ACOT11: variants seen among roughly 807,000 people sequenced by gnomAD.
The protein encoded by ACOT11 is acyl-coenzyme A thioesterase 11.
In ACOT11, 69 loss-of-function variants were observed where a neutral mutation model predicts 77.5. The ratio of observed to expected loss-of-function variants is 0.89; its 90% CI spans 0.73 to 1.09. ACOT11 has a LOEUF of 1.09. Among genes scored for constraint, ACOT11 ranks in the 50% least tolerant of loss-of-function variants. The probability of loss-of-function intolerance (pLI) is 0.00; values close to 1 mark genes in which losing one functional copy is unlikely to be tolerated. For missense variants in ACOT11, 766 were observed against 813.7 expected (o/e 0.94, Z 0.71); for synonymous variants, 279 against 313.0 (o/e 0.89, Z 1.15).
At chr1:54,562,629 A>G (rs1382490558) in intron 1 of ACOT11, among the ~76,000 whole-genome samples, 3 of 139,716 alleles carry the variant, frequency 2.1e-5, no homozygotes, top group African/African-American at 8.1e-5. Flanking sequence ...TGCCGGGCGG[A>G]GGGGCTCCTC....
chr1:54,619,749 G>T, intron 15 of ACOT11: 1 of 1,083,278 alleles, frequency 9.2e-7, no homozygotes, highest in Non-Finnish European at 1.3e-6. Context: ...CATGCTGAAA[G>T]ACATGTAAAC....
chr1:54,632,028 CTG>C (rs1408655090), intron 16 of ACOT11, among the ~76,000 whole-genome samples: 1 of 152,082 alleles, frequency 6.6e-6, no homozygotes, highest in Non-Finnish European at 1.5e-5. Flanking sequence ...CTTGTTTTAA[CTG>C]TGGGAAGCGT....
intron 3 of ACOT11, among the ~76,000 whole-genome samples, chr1:54,586,424 C>CTT (rs58908548): frequency 2.1e-5 from 3 of 143,326 alleles, no homozygotes; most frequent in Admixed American, 7.0e-5. Flanking sequence ...CTAAAGTAGA[C>CTT]TTTTTTTTTT....
intron 9 of ACOT11, 37 bp from the exon 10 acceptor site, chr1:54,602,632 G>C (rs1201187391): frequency 1.4e-5 from 21 of 1,487,504 alleles, no homozygotes; most frequent in East Asian, 2.6e-5. Context: ...GACGGAGGGT[G>C]GGGGTAGCTG....
intron 2 of ACOT11, among the ~76,000 whole-genome samples, chr1:54,585,314 C>T (rs1240553293): frequency 1.3e-5 from 2 of 152,166 alleles, no homozygotes; most frequent in Admixed American, 6.5e-5. Context: ...ACAGGTGACC[C>T]GACTGTTCCC....
Position 54,594,590 on chromosome 1 carries a change from AG to A in ACOT11, c.508del (p.Glu170ArgfsTer95). ...KLKQITPRTE[E>X]EKMEHSVAAE... Reference sequence around the variant, plus strand: ...AAGCAGATCACGCCGCGGACAGAAGAGGAGAAGATGGAGCACAGTGTGGCGG... The same window carrying A: ...AAGCAGATCACGCCGCGGACAGAAGAGAGAAGATGGAGCACAGTGTGGCGG... On this transcript the variant is annotated frameshift_variant, in exon 6 of 16. Transcript: ENST00000343744. LOFTEE classifies it high-confidence loss of function. 1 of 1,614,118 alleles carries A rather than the reference AG, an allele frequency of 6.2e-7. No homozygotes were observed. The highest frequency in any genetic ancestry group is 8.5e-7 in the Non-Finnish European group (1 of 1,179,990).
intron 3 of ACOT11, among the ~76,000 whole-genome samples, chr1:54,590,470 G>C (rs1440068527): frequency 6.6e-6 from 1 of 152,184 alleles, no homozygotes; most frequent in African/African-American, 2.4e-5. Context: ...TCAGGAAGGA[G>C]GAGGAGCTTA....
At chr1:54,593,795 C>A in intron 4 of ACOT11, 146 bp from the exon 5 acceptor site, 1 of 667,370 alleles carries the variant, frequency 1.5e-6, no homozygotes, top group East Asian at 2.7e-5. Flanking sequence ...CCCCTCAGAT[C>A]TCTGGCCTCC....
rs1316867488 is a variant in ACOT11, at chr1:54,594,722, G to A, written c.607+31G>A. 3 of 1,590,820 alleles carry A rather than the reference G, an allele frequency of 1.9e-6. No individual in the cohort carries two copies. The South Asian group carries it at 3.4e-5, about 18-fold the overall frequency. On this transcript the variant is annotated intron_variant, in intron 6 of 15. Coordinates refer to ENST00000343744, the MANE Select transcript of ACOT11 (RefSeq NM_147161.4). ...CAGCTGCCAGCTGTGCATGGGGAGG[G>A]TAGCTGGCGTCCTGCATGGCCCCTC...
intron 1 of ACOT11, among the ~76,000 whole-genome samples, chr1:54,577,057 A>T (rs2100969873): frequency 6.6e-6 from 1 of 152,332 alleles, no homozygotes; most frequent in Admixed American, 6.5e-5. Flanking sequence ...CTGGCATTTC[A>T]CATCTTATTT....
chr1:54,549,476 C>G (rs918798905), intron 1 of ACOT11, among the ~76,000 whole-genome samples: 23 of 152,178 alleles, frequency 1.5e-4, no homozygotes, highest in Non-Finnish European at 5.9e-5. Context: ...CGGAGTTACC[C>G]CCAGCCTTCC....
At chr1:54,606,348 G>A (rs544719313) in intron 13 of ACOT11, among the ~76,000 whole-genome samples, 47 of 152,326 alleles carry the variant, frequency 3.1e-4, no homozygotes, top group Middle Eastern at 3.4e-3. Flanking sequence ...AGGGGAAAGA[G>A]AGCCCCTAGT....
chr1:54,558,120 C>A (rs774603282), intron 1 of ACOT11, among the ~76,000 whole-genome samples: 1 of 152,152 alleles, frequency 6.6e-6, no homozygotes, highest in South Asian at 2.1e-4. Context: ...GTTCCCTCCA[C>A]GGGTACTTAC....
intron 1 of ACOT11, among the ~76,000 whole-genome samples, chr1:54,567,215 A>G (rs1361977639): frequency 6.6e-6 from 1 of 150,666 alleles, no homozygotes; most frequent in Non-Finnish European, 1.5e-5. Flanking sequence ...AACCAGTACC[A>G]CCATCTGCCA....
rs575878742 is a variant in ACOT11, at chr1:54,572,534, G to T, written c.34-12121G>T. On this transcript the variant is annotated intron_variant, in intron 1 of 15. Transcript: ENST00000343744. The stretch of plus-strand genomic sequence containing the variant: ...TGGGGGTGACTGCCTGTGAACATGG[G>T]TTCTGTACTGGGTGCTGTCAAAGCA... Among the ~76,000 whole-genome samples the T allele has an allele frequency of 2.4e-3, 358 of 152,264 alleles. 1 individual carries two copies. The highest frequency in any genetic ancestry group is 4.1e-3 in the Admixed American group (62 of 15,300).
At chr1:54,614,733 T>C (rs764750230), downstream of ACOT11, 34 of 1,613,960 alleles carry the variant, frequency 2.1e-5, no homozygotes, top group Non-Finnish European at 2.9e-5. Context: ...GATGAGCATG[T>C]TGGGGCCCTT....
intron 8 of ACOT11, 88 bp from the exon 9 acceptor site, chr1:54,601,181 A>C: frequency 6.8e-7 from 1 of 1,477,130 alleles, no homozygotes; most frequent in Non-Finnish European, 9.2e-7. Context: ...GCATGTGTGC[A>C]TGTGTGTGTG....
chr1:54,549,883 T>C (rs1653002797), intron 1 of ACOT11, among the ~76,000 whole-genome samples: 1 of 152,244 alleles, frequency 6.6e-6, no homozygotes, highest in Admixed American at 6.5e-5. Context: ...TGTGCCCTGT[T>C]GTATTTAACC....
chr1:54,614,712 A>G, downstream of ACOT11: 4 of 1,613,110 alleles, frequency 2.5e-6, no homozygotes, highest in Non-Finnish European at 3.4e-6. Flanking sequence ...TGTGGCATTG[A>G]CCTCAGTTGA....
Sources: gnomAD v4.1 joint callset for allele counts (sites outside exome capture counted in the v4.1 genomes callset) on GRCh38, gnomAD v4.1.1 for gene constraint, MANE v1.5 for transcripts, NCBI Gene and HGNC (gene_info 2026-07-23, HGNC 2026-07-21) for gene names.